The following SLC4A10 variants were observed in gnomAD, a reference collection of about 807,000 sequenced individuals.
SLC4A10 encodes solute carrier family 4 member 10, also known as sodium-driven chloride bicarbonate exchanger.
In SLC4A10, 42 loss-of-function variants were observed where a neutral mutation model predicts 137.7. The ratio of observed to expected loss-of-function variants is 0.30; its 90% CI spans 0.24 to 0.39. The LOEUF (loss-of-function observed/expected upper bound fraction) is 0.39, where lower values mean the gene tolerates loss of function less well. Among genes scored for constraint, SLC4A10 ranks in the 10% least tolerant of loss-of-function variants. The probability of loss-of-function intolerance (pLI) is 1.00; values close to 1 mark genes in which losing one functional copy is unlikely to be tolerated. For missense variants in SLC4A10, 925 were observed against 1,355.0 expected (o/e 0.68, Z 4.98); for synonymous variants, 474 against 464.1 (o/e 1.02, Z -0.27).
chr2:161,963,329 G>T (rs900150423), intron 21 of SLC4A10, among the ~76,000 whole-genome samples: 3 of 151,846 alleles, frequency 2.0e-5, no homozygotes, highest in Non-Finnish European at 4.4e-5. Flanking sequence ...TATCTTTATG[G>T]CAAGATTGAA....
intron 2 of SLC4A10, among the ~76,000 whole-genome samples, chr2:161,779,329 C>T (rs950780562): frequency 3.3e-5 from 5 of 152,080 alleles, no homozygotes; most frequent in Middle Eastern, 3.4e-3. Flanking sequence ...AATACTGCCA[C>T]ATCAAATTTT....
chr2:161,667,009 G>C (rs2039123833), intron 1 of SLC4A10, among the ~76,000 whole-genome samples: 1 of 151,622 alleles, frequency 6.6e-6, no homozygotes. Flanking sequence ...TTTTTGAGCT[G>C]TTGAGGTTGG....
chr2:161,708,662 A>G, intron 1 of SLC4A10: 1 of 1,478,904 alleles, frequency 6.8e-7, no homozygotes, highest in Non-Finnish European at 8.9e-7. Context: ...ATACTGATGG[A>G]CAGATCTGTT....
At chr2:161,925,179 G>A (rs965326575) in intron 15 of SLC4A10, among the ~76,000 whole-genome samples, 1 of 152,128 alleles carries the variant, frequency 6.6e-6, no homozygotes, top group Non-Finnish European at 1.5e-5. Context: ...TCTGGTCCTG[G>A]ACTCTTTTTG....
At chr2:161,853,971 T>C (rs959346267) in intron 4 of SLC4A10, among the ~76,000 whole-genome samples, 3 of 152,198 alleles carry the variant, frequency 2.0e-5, no homozygotes, top group Non-Finnish European at 2.9e-5. Flanking sequence ...TACTCCCACA[T>C]ATTTGTTGTG....
chr2:161,860,105 C>T (rs542924233), intron 5 of SLC4A10, among the ~76,000 whole-genome samples: 2 of 152,238 alleles, frequency 1.3e-5, no homozygotes, highest in South Asian at 2.1e-4. Context: ...ACTTAAATGT[C>T]ACCCTAGTAT....
intron 1 of SLC4A10, among the ~76,000 whole-genome samples, chr2:161,727,915 G>A (rs1005182035): frequency 1.3e-5 from 2 of 152,208 alleles, no homozygotes; most frequent in African/African-American, 4.8e-5. Context: ...AATAAAAATA[G>A]TACCACACCA....
At position 161,807,816 on chromosome 2, in the gene SLC4A10, G is replaced by A. The variant is rs192874819; in HGVS notation, c.277+3221G>A. 1.1e-4 allele frequency among the ~76,000 whole-genome samples: 16 copies of A among 150,230 alleles called. No individual in the cohort carries two copies. The East Asian group carries it at 1.9e-3, about 18-fold the overall frequency. On this transcript the variant is annotated intron_variant, in intron 3 of 26. Transcript: ENST00000446997. ...AGATTTCTTAAAGATGTAAATAATC[G>A]AATTAAACTTAGTCTATATTACTTG... is the stretch of plus-strand genomic sequence containing the variant.
chr2:161,891,920 T>C (rs1265595866), intron 10 of SLC4A10, among the ~76,000 whole-genome samples: 2 of 152,002 alleles, frequency 1.3e-5, no homozygotes, highest in Admixed American at 6.6e-5. Flanking sequence ...TGAAAAACTT[T>C]CTTTTTTTAA....
At chr2:161,721,974 T>G (rs968986625) in intron 1 of SLC4A10, among the ~76,000 whole-genome samples, 4 of 152,256 alleles carry the variant, frequency 2.6e-5, no homozygotes, top group Admixed American at 6.5e-5. Context: ...ATTTGGTCTA[T>G]TCAGCTATTG....
Position 161,660,581 on chromosome 2 carries a change from TTTC to T in SLC4A10, c.48+36018_48+36020del, listed in dbSNP as rs1196787661. On this transcript the variant is annotated intron_variant, in intron 1 of 26. Coordinates refer to ENST00000446997, the MANE Select transcript of SLC4A10 (RefSeq NM_001178015.2). ...ATTTCTTTCTTTCTTTCTTTCTTTC[TTTC>T]TTTCTTTCTTTCTTTCTTTCTTTCT... Among the ~76,000 whole-genome samples the T allele has an allele frequency of 1.2e-3, 160 of 131,420 alleles. 1 individual carries two copies. Among genetic ancestry groups the T allele is most frequent in the Non-Finnish European group, 2.1e-3 (120 of 58,014 alleles). The allele number at this position is 131,420 out of a possible 152,430, so 86.2% of individuals were successfully genotyped here. A position where few individuals can be genotyped will look rare whatever the true frequency, so the allele number is the denominator to read the frequency against.
intron 1 of SLC4A10, among the ~76,000 whole-genome samples, chr2:161,689,212 G>A (rs1234740757): frequency 6.6e-6 from 1 of 152,072 alleles, no homozygotes; most frequent in African/African-American, 2.4e-5. Flanking sequence ...TGTAGCCTAA[G>A]TGTATCGTAC....
At chr2:161,662,225 A>T (rs2038514323) in intron 1 of SLC4A10, among the ~76,000 whole-genome samples, 1 of 152,146 alleles carries the variant, frequency 6.6e-6, no homozygotes, top group South Asian at 2.1e-4. Flanking sequence ...CGGTAAAAAA[A>T]ATATTGCTTA....
chr2:161,760,213 C>A (rs2050115730), intron 1 of SLC4A10, among the ~76,000 whole-genome samples: 1 of 151,954 alleles, frequency 6.6e-6, no homozygotes, highest in African/African-American at 2.4e-5. Flanking sequence ...TAACCTCCAT[C>A]TCTTTAGTTA....
At chr2:161,893,465 G>A (rs889432732) in intron 10 of SLC4A10, among the ~76,000 whole-genome samples, 1 of 152,106 alleles carries the variant, frequency 6.6e-6, no homozygotes, top group Admixed American at 6.6e-5. Context: ...GGGAGGCCAA[G>A]GTGGAGGATG....
intron 1 of SLC4A10, among the ~76,000 whole-genome samples, chr2:161,763,098 C>A (rs1413374259): frequency 1.3e-5 from 2 of 151,940 alleles, no homozygotes; most frequent in Non-Finnish European, 2.9e-5. Flanking sequence ...TATTTTTATA[C>A]CCTCTTTTTT....
chr2:161,970,472 T>C (rs1559656071), intron 23 of SLC4A10, among the ~76,000 whole-genome samples: 1 of 152,222 alleles, frequency 6.6e-6, no homozygotes, highest in East Asian at 1.9e-4. Flanking sequence ...ACACTTCTAC[T>C]TTCTGTAGAC....
At chr2:161,660,064 G>T (rs2038086672) in intron 1 of SLC4A10, among the ~76,000 whole-genome samples, 1 of 151,358 alleles carries the variant, frequency 6.6e-6, no homozygotes, top group Non-Finnish European at 1.5e-5. Context: ...TTTGGGGGGT[G>T]ATGGAAATGT....
rs532123695 is a variant in SLC4A10 at position 161,964,044 on chromosome 2, C to T, written c.2863-91C>T. On this transcript the variant is annotated intron_variant, in intron 21 of 26. Transcript: ENST00000446997. ...AGTGTTATCCAGGTATGTCATTTAA[C>T]CCAAAATTGTGGACCATATTAAACA... The T allele has an allele frequency of 2.3e-5, 27 of 1,150,322 alleles. No individual in the cohort carries two copies. The South Asian group carries it at 4.6e-4, about 19-fold the overall frequency. 71.3% of individuals were successfully genotyped at this position (1,150,322 alleles called of 1,614,324 possible). A position where few individuals can be genotyped will look rare whatever the true frequency, so the allele number is the denominator to read the frequency against.
Sources: allele counts gnomAD v4.1 joint callset (sites outside exome capture counted in the v4.1 genomes callset), GRCh38; gene constraint gnomAD v4.1.1; transcripts MANE v1.5; gene names NCBI Gene and HGNC (gene_info 2026-07-23, HGNC 2026-07-21).